Variants in LRRC10B observed in about 807,000 individuals in gnomAD.
LRRC10B encodes leucine rich repeat containing 10B, also known as leucine-rich repeat-containing protein 10B.
For missense variants in LRRC10B, 389 were observed against 436.5 expected (o/e 0.89, Z 0.97); for synonymous variants, 204 against 221.5 (o/e 0.92, Z 0.70).
At position 61,510,027 on chromosome 11, in the gene LRRC10B, G is replaced by T. The variant is rs943143336; in HGVS notation, c.*150G>T. On this transcript the variant is annotated 3_prime_UTR_variant, in exon 1 of 1. Transcript: ENST00000378075. ...GTTGCCGGGCACAGGCAGGGCTGGG[G>T]CTCATCTTCAGACACTCCTAGGTAG... is the stretch of plus-strand genomic sequence containing the variant. The T allele has an allele frequency of 3.9e-6, 3 of 777,006 alleles. No homozygotes were observed. The highest frequency in any genetic ancestry group is 3.7e-5 in the Admixed American group (1 of 26,888). 48.1% of individuals were successfully genotyped at this position (777,006 alleles called of 1,614,324 possible). A position where few individuals can be genotyped will look rare whatever the true frequency, so the allele number is the denominator to read the frequency against.
rs2062071698 is a variant in LRRC10B, at chr11:61,509,115, A to G, written c.117A>G (p.Ala39=). Residue 39 remains alanine (A), a synonymous_variant, in exon 1 of 1, where the codon GCA becomes GCG. Coordinates refer to ENST00000378075, the MANE Select transcript of LRRC10B (RefSeq NM_001145077.2). Reference sequence around the variant, plus strand: ...GGCGGTTGCGGCGGCTGCCCAGCGCAGTGTGCGCGCTGAGCCGCCTGCAGA... The same window carrying G: ...GGCGGTTGCGGCGGCTGCCCAGCGCGGTGTGCGCGCTGAGCCGCCTGCAGA... The part of the protein sequence containing the change: ...SGRRLRRLPS[A]VCALSRLQKL... 7 of 1,520,662 alleles carry G rather than the reference A, an allele frequency of 4.6e-6. No homozygotes were observed. In the East Asian group the frequency reaches 1.0e-4, roughly 22 times the overall value. The allele number at this position is 1,520,662 out of a possible 1,614,324, so 94.2% of individuals were successfully genotyped here. A position where few individuals can be genotyped will look rare whatever the true frequency, so the allele number is the denominator to read the frequency against.
In LRRC10B at chr11:61,510,888, G is replaced by A. The variant is rs2062081906; in HGVS notation, c.*1011G>A. 2 of 167,044 alleles carry A rather than the reference G, an allele frequency of 1.2e-5. No homozygotes were observed. The highest frequency in any genetic ancestry group is 6.5e-5 in the Admixed American group (1 of 15,290). 10.3% of individuals were successfully genotyped at this position (167,044 alleles called of 1,614,324 possible). The stretch of plus-strand genomic sequence containing the variant: ...AGATCTTCCTCATCCAAGCAATAAC[G>A]GGACGAGGGAGCCAGGGCCAAGGAC... On this transcript the variant is annotated 3_prime_UTR_variant, in exon 1 of 1. Transcript: ENST00000378075.
rs1359961142 is a variant in LRRC10B, at chr11:61,509,882, A to G, written c.*5A>G. ...GCTCCAGGACTGGGCACCTGAGCCT[A>G]TGTTCTGGCTGATGGGCTTCAGCCA... On this transcript the variant is annotated 3_prime_UTR_variant, in exon 1 of 1. Coordinates refer to ENST00000378075, the MANE Select transcript of LRRC10B (RefSeq NM_001145077.2). The G allele has an allele frequency of 1.3e-6, 2 of 1,492,828 alleles. No individual in the cohort carries two copies. Among genetic ancestry groups the G allele is most frequent in the Non-Finnish European group, 8.9e-7 (1 of 1,126,308 alleles). The allele number at this position is 1,492,828 out of a possible 1,614,324, so 92.5% of individuals were successfully genotyped here. A position where few individuals can be genotyped will look rare whatever the true frequency, so the allele number is the denominator to read the frequency against.
chr11:61,509,328 G>A lies in LRRC10B; in HGVS notation c.330G>A (p.Ala110=). ...TGCTGGCGCTGCCCGCCGACTTCGCGCAGTTGCAGAGCCTGCGCTGCCTCT... is the reference window on the plus strand; with the variant it reads ...TGCTGGCGCTGCCCGCCGACTTCGCACAGTTGCAGAGCCTGCGCTGCCTCT... ...NRLLALPADF[A]QLQSLRCLWI... The change falls in exon 1 of 1, where the codon GCG becomes GCA. Residue 110 remains alanine, a synonymous_variant. Transcript: ENST00000378075. 6.7e-7 allele frequency: 1 copy of A among 1,496,184 alleles called. No individual in the cohort carries two copies. Among genetic ancestry groups the A allele is most frequent in the Non-Finnish European group, 8.9e-7 (1 of 1,129,440 alleles). 92.7% of individuals were successfully genotyped at this position (1,496,184 alleles called of 1,614,324 possible).
In LRRC10B at chr11:61,508,941, G is replaced by A; in HGVS notation, c.-58G>A. ...CCGTCGGGGCGGCTGGGGGGCGGCC[G>A]GGGCGGGGCGATGCCTGGCGGTGGC... On this transcript the variant is annotated 5_prime_UTR_variant, in exon 1 of 1. Coordinates refer to ENST00000378075, the MANE Select transcript of LRRC10B (RefSeq NM_001145077.2). 1 of 1,203,016 alleles carries A rather than the reference G, an allele frequency of 8.3e-7. No homozygotes were observed. The highest frequency in any genetic ancestry group is 1.0e-6 in the Non-Finnish European group (1 of 968,836). 74.5% of individuals were successfully genotyped at this position (1,203,016 alleles called of 1,614,324 possible).
At position 61,508,979 on chromosome 11, in the gene LRRC10B, C is replaced by A; in HGVS notation, c.-20C>A. 1 of 1,291,806 alleles carries A rather than the reference C, an allele frequency of 7.7e-7. No homozygotes were observed. The highest frequency in any genetic ancestry group is 1.6e-5 in the African/African-American group (1 of 63,930). 80.0% of individuals were successfully genotyped at this position (1,291,806 alleles called of 1,614,324 possible). ...GCCTGGCGGTGGCAGTGGCGGCGGCCCCGGCCGGGGCCCGTGACCATGGGC... is the reference window on the plus strand; with the variant it reads ...GCCTGGCGGTGGCAGTGGCGGCGGCACCGGCCGGGGCCCGTGACCATGGGC... On this transcript the variant is annotated 5_prime_UTR_variant, in exon 1 of 1. Transcript: ENST00000378075.
Position 61,509,244 on chromosome 11 carries a change from G to T in LRRC10B, c.246G>T (p.Leu82=). 6.5e-7 allele frequency: 1 copy of T among 1,527,692 alleles called. No homozygotes were observed. The highest frequency in any genetic ancestry group is 8.7e-7 in the Non-Finnish European group (1 of 1,143,178). The allele number at this position is 1,527,692 out of a possible 1,614,324, so 94.6% of individuals were successfully genotyped here. A position where few individuals can be genotyped will look rare whatever the true frequency, so the allele number is the denominator to read the frequency against. ...LALDFNKLER[L]PDGLCRLPRL... ...TGGACTTCAACAAGCTCGAGCGACT[G>T]CCTGACGGCCTGTGCCGCCTGCCGC... Residue 82 remains leucine (L), a synonymous_variant, in exon 1 of 1, where the codon CTG becomes CTT. Transcript: ENST00000378075.
At position 61,508,917 on chromosome 11, in the gene LRRC10B, C is replaced by A. The variant is rs2062070456; in HGVS notation, c.-82C>A. The stretch of plus-strand genomic sequence containing the variant: ...CCGGGGGCCGGCGCGGCTCCGGCAC[C>A]GTCGGGGCGGCTGGGGGGCGGCCGG... On this transcript the variant is annotated 5_prime_UTR_variant, in exon 1 of 1. Coordinates refer to ENST00000378075, the MANE Select transcript of LRRC10B (RefSeq NM_001145077.2). 9.3e-7 allele frequency: 1 copy of A among 1,075,438 alleles called. No homozygotes were observed. Among genetic ancestry groups the A allele is most frequent in the South Asian group, 4.4e-5 (1 of 22,650 alleles). The allele number at this position is 1,075,438 out of a possible 1,614,324, so 66.6% of individuals were successfully genotyped here.
rs1011026884 is a variant in LRRC10B at position 61,508,778 on chromosome 11, G to T, written c.-221G>T. On this transcript the variant is annotated 5_prime_UTR_variant, in exon 1 of 1. In the 5' UTR this introduces an upstream ATG that the reference lacks. Transcript: ENST00000378075. ...GGCCTCCGGCGGAGGCAACGGGGGA[G>T]GCCCGAGGGCGGGCGGTGGAGCGCG... 2 of 163,542 alleles carry T rather than the reference G, an allele frequency of 1.2e-5. No individual in the cohort carries two copies. Among genetic ancestry groups the T allele is most frequent in the Non-Finnish European group, 2.5e-5 (2 of 78,606 alleles). 10.1% of individuals were successfully genotyped at this position (163,542 alleles called of 1,614,324 possible). A position where few individuals can be genotyped will look rare whatever the true frequency, so the allele number is the denominator to read the frequency against.
In LRRC10B at chr11:61,509,095, T is replaced by TTGCGGCGGC. The variant is rs1326909588; in HGVS notation, c.101_109dup (p.Arg34_Leu36dup). ...GCAGCTGGAGCTGAGCGGGCGGCGG[T>TTGCGGCGGC]TGCGGCGGCTGCCCAGCGCAGTGTG... On this transcript the variant is annotated inframe_insertion, in exon 1 of 1. Transcript: ENST00000378075. The TTGCGGCGGC allele has an allele frequency of 6.6e-7, 1 of 1,508,652 alleles. No homozygotes were observed. The highest frequency in any genetic ancestry group is 2.6e-5 in the East Asian group (1 of 37,844). The allele number at this position is 1,508,652 out of a possible 1,614,324, so 93.5% of individuals were successfully genotyped here.
rs1182631461 is a variant in LRRC10B, at chr11:61,510,124, C to A, written c.*247C>A. 3 of 445,074 alleles carry A rather than the reference C, an allele frequency of 6.7e-6. No individual in the cohort carries two copies. The highest frequency in any genetic ancestry group is 8.1e-6 in the Non-Finnish European group (2 of 248,046). The allele number at this position is 445,074 out of a possible 1,614,324, so 27.6% of individuals were successfully genotyped here. The stretch of plus-strand genomic sequence containing the variant: ...CCAAGAAGTCTGGGCTGGGTCCAGT[C>A]CCCGATGGAGCCACTGATAACAGAG... On this transcript the variant is annotated 3_prime_UTR_variant, in exon 1 of 1. Coordinates refer to ENST00000378075, the MANE Select transcript of LRRC10B (RefSeq NM_001145077.2).
rs748401460 is a variant in LRRC10B at position 61,509,186 on chromosome 11, T to C, written c.188T>C (p.Ile63Thr). 1 of 1,531,028 alleles carries C rather than the reference T, an allele frequency of 6.5e-7. No homozygotes were observed. The highest frequency in any genetic ancestry group is 1.2e-5 in the South Asian group (1 of 83,438). The allele number at this position is 1,531,028 out of a possible 1,614,324, so 94.8% of individuals were successfully genotyped here. Reference protein sequence around the residue: ...GTGLRELPEEIEELRELRILA... With the variant: ...GTGLRELPEETEELRELRILA... ...GGGCTGCGCGAGCTGCCGGAGGAGA[T>C]CGAGGAGCTGCGCGAGCTGCGCATC... The change falls in exon 1 of 1, where the codon ATC becomes ACC. Residue 63 changes from isoleucine (I) to threonine (T), a missense_variant. Physicochemically the swap from Ile to Thr is moderately conservative, Grantham distance 89 (BLOSUM62 -1). Coordinates refer to ENST00000378075, the MANE Select transcript of LRRC10B (RefSeq NM_001145077.2).
chr11:61,509,029 C>G lies in LRRC10B; in HGVS notation c.31C>G (p.Leu11Val). Residue 11 changes from leucine to valine, a missense_variant, in exon 1 of 1, where the codon CTG becomes GTG. Transcript: ENST00000378075. MGIAESTPDE[L>V]PSDAEEQLRS... ...CATCGCCGAGTCCACGCCGGATGAG[C>G]TGCCGTCGGACGCAGAGGAGCAGCT... The G allele has an allele frequency of 6.8e-7, 1 of 1,466,528 alleles. No homozygotes were observed. Among genetic ancestry groups the G allele is most frequent in the Non-Finnish European group, 8.9e-7 (1 of 1,118,484 alleles). 90.8% of individuals were successfully genotyped at this position (1,466,528 alleles called of 1,614,324 possible).
At position 61,509,707 on chromosome 11, in the gene LRRC10B, A is replaced by G; in HGVS notation, c.709A>G (p.Met237Val). ...FLVGEGAVER[M>V]AERDEPTPRP... ...CGTGGGCGAGGGCGCCGTCGAGCGC[A>G]TGGCGGAGCGCGACGAGCCCACGCC... Residue 237 changes from methionine (M) to valine (V), a missense_variant, in exon 1 of 1, where the codon ATG (methionine) becomes GTG (valine). By Grantham distance (21) the Met-to-Val change is conservative. Coordinates refer to ENST00000378075, the MANE Select transcript of LRRC10B (RefSeq NM_001145077.2). 1 of 1,492,040 alleles carries G rather than the reference A, an allele frequency of 6.7e-7. No individual in the cohort carries two copies. Among genetic ancestry groups the G allele is most frequent in the African/African-American group, 1.5e-5 (1 of 68,682 alleles). 92.4% of individuals were successfully genotyped at this position (1,492,040 alleles called of 1,614,324 possible).
Position 61,509,615 on chromosome 11 carries a change from T to G in LRRC10B, c.617T>G (p.Leu206Arg). Residue 206 changes from leucine (L) to arginine (R), a missense_variant, in exon 1 of 1, where the codon CTG becomes CGG. By Grantham distance (102) the Leu-to-Arg change is moderately radical. Transcript: ENST00000378075. ...GFPDLHPLRALRVFSYDHNPV... is the reference protein window; with the variant it reads ...GFPDLHPLRARRVFSYDHNPV... ...CCCGACCTGCACCCGCTGCGCGCGC[T>G]GCGCGTCTTCTCCTACGACCACAAC... 2 of 1,523,094 alleles carry G rather than the reference T, an allele frequency of 1.3e-6. No homozygotes were observed. The highest frequency in any genetic ancestry group is 4.1e-5 in the Admixed American group (2 of 49,020). 94.3% of individuals were successfully genotyped at this position (1,523,094 alleles called of 1,614,324 possible).
Position 61,509,892 on chromosome 11 carries a change from T to G in LRRC10B, c.*15T>G. On this transcript the variant is annotated 3_prime_UTR_variant, in exon 1 of 1. Transcript: ENST00000378075. ...TGGGCACCTGAGCCTATGTTCTGGC[T>G]GATGGGCTTCAGCCACTCTGAGAGG... 5 of 1,480,092 alleles carry G rather than the reference T, an allele frequency of 3.4e-6. No homozygotes were observed. The highest frequency in any genetic ancestry group is 4.5e-6 in the Non-Finnish European group (5 of 1,120,258). The allele number at this position is 1,480,092 out of a possible 1,614,324, so 91.7% of individuals were successfully genotyped here. A position where few individuals can be genotyped will look rare whatever the true frequency, so the allele number is the denominator to read the frequency against.
chr11:61,510,182 AG>A lies in LRRC10B; in HGVS notation c.*308del, dbSNP rs1409692664. On this transcript the variant is annotated 3_prime_UTR_variant, in exon 1 of 1. Coordinates refer to ENST00000378075, the MANE Select transcript of LRRC10B (RefSeq NM_001145077.2). ...CTTCCTCCTGGAACCAGGGTCTCTG[AG>A]GGCCACAGAATTGTCACGTCTCCCT... The A allele has an allele frequency of 2.8e-6, 1 of 353,618 alleles. No homozygotes were observed. The highest frequency in any genetic ancestry group is 4.9e-5 in the East Asian group (1 of 20,318). The allele number at this position is 353,618 out of a possible 1,614,324, so 21.9% of individuals were successfully genotyped here. A position where few individuals can be genotyped will look rare whatever the true frequency, so the allele number is the denominator to read the frequency against.
rs1590795678 is a variant in LRRC10B at position 61,509,601 on chromosome 11, C to T, written c.603C>T (p.His201=). The T allele has an allele frequency of 5.3e-6, 8 of 1,522,578 alleles. No homozygotes were observed. The highest frequency in any genetic ancestry group is 7.0e-6 in the Non-Finnish European group (8 of 1,141,196). The allele number at this position is 1,522,578 out of a possible 1,614,324, so 94.3% of individuals were successfully genotyped here. ...RNRLGGFPDL[H]PLRALRVFSY... is the part of the protein sequence containing the mutation. ...GCCTGGGCGGCTTCCCCGACCTGCA[C>T]CCGCTGCGCGCGCTGCGCGTCTTCT... Residue 201 remains histidine, a synonymous_variant, in exon 1 of 1, where the codon CAC becomes CAT. Transcript: ENST00000378075.
chr11:61,508,863 C>T lies in LRRC10B; in HGVS notation c.-136C>T. ...TCCCGGCCCCGCACGGCCCCCCTCCCGGCGCGGGGGAAGGCCGGGGCGGGG... is the reference window on the plus strand; with the variant it reads ...TCCCGGCCCCGCACGGCCCCCCTCCTGGCGCGGGGGAAGGCCGGGGCGGGG... On this transcript the variant is annotated 5_prime_UTR_variant, in exon 1 of 1. Transcript: ENST00000378075. 2 of 648,018 alleles carry T rather than the reference C, an allele frequency of 3.1e-6. No homozygotes were observed. Among genetic ancestry groups the T allele is most frequent in the Non-Finnish European group, 3.8e-6 (2 of 523,350 alleles). 40.1% of individuals were successfully genotyped at this position (648,018 alleles called of 1,614,324 possible). A position where few individuals can be genotyped will look rare whatever the true frequency, so the allele number is the denominator to read the frequency against.
Sources: allele counts gnomAD v4.1 joint callset, GRCh38; gene constraint gnomAD v4.1.1; transcripts MANE v1.5; gene names NCBI Gene and HGNC (gene_info 2026-07-23, HGNC 2026-07-21).